CNTNAP2: variants seen among roughly 807,000 people sequenced by gnomAD.
CNTNAP2 encodes the protein contactin-associated protein-like 2.
Under a neutral mutation model 155.2 loss-of-function variants are expected in CNTNAP2, and 98 were observed. That is an observed-to-expected ratio of 0.63 (90% CI 0.54 to 0.75). The LOEUF is 0.75. Ranked by LOEUF, CNTNAP2 falls within the 30% of genes least tolerant of loss-of-function variation. The pLI is 0.00. For missense variants in CNTNAP2, 1,727 were observed against 1,688.1 expected (o/e 1.02, Z -0.40); for synonymous variants, 651 against 631.2 (o/e 1.03, Z -0.47).
intron 13 of CNTNAP2, among the ~76,000 whole-genome samples, chr7:147,705,931 G>T (rs2117009879): frequency 6.6e-6 from 1 of 151,532 alleles, no homozygotes; most frequent in South Asian, 2.1e-4. Flanking sequence ...CTTTCAGTCT[G>T]TGTCTTTATA....
intron 4 of CNTNAP2, among the ~76,000 whole-genome samples, chr7:147,099,036 A>T (rs1800602842): frequency 6.6e-6 from 1 of 152,076 alleles, no homozygotes. Flanking sequence ...CAGGAGGTAG[A>T]GGGGATGAGG....
chr7:147,856,266 A>G (rs1340316816), intron 13 of CNTNAP2, among the ~76,000 whole-genome samples: 2 of 152,188 alleles, frequency 1.3e-5, no homozygotes, highest in Non-Finnish European at 2.9e-5. Flanking sequence ...CCCAGAGCCC[A>G]GGCCAGACTC....
chr7:147,046,925 A>G (rs545195406), intron 4 of CNTNAP2, among the ~76,000 whole-genome samples: 245 of 149,422 alleles, frequency 1.6e-3, no homozygotes, highest in Non-Finnish European at 2.9e-3. Context: ...CCAGCTACTC[A>G]GGAGGCTGAA....
intron 1 of CNTNAP2, among the ~76,000 whole-genome samples, chr7:146,126,207 C>A (rs1797634882): frequency 6.6e-6 from 1 of 152,054 alleles, no homozygotes; most frequent in South Asian, 2.1e-4. Context: ...AGTTCTCTAA[C>A]TAAGAAGTTT....
intron 1 of CNTNAP2, among the ~76,000 whole-genome samples, chr7:146,660,374 G>C (rs1585029399): frequency 6.6e-6 from 1 of 152,182 alleles, no homozygotes; most frequent in African/African-American, 2.4e-5. Flanking sequence ...GGATAGCAAA[G>C]TCAGAAAGAC....
intron 3 of CNTNAP2, among the ~76,000 whole-genome samples, chr7:147,014,785 A>C (rs1411285308): frequency 6.6e-6 from 1 of 152,166 alleles, no homozygotes; most frequent in East Asian, 1.9e-4. Flanking sequence ...AAAATAAAGA[A>C]GAGGCCATCT....
At chr7:146,423,198 G>A (rs1796036989) in intron 1 of CNTNAP2, among the ~76,000 whole-genome samples, 1 of 151,954 alleles carries the variant, frequency 6.6e-6, no homozygotes, top group South Asian at 2.1e-4. Flanking sequence ...TCTCTCTTGG[G>A]AAGGAAGAAT....
At chr7:146,348,784 T>G (rs558631695) in intron 1 of CNTNAP2, among the ~76,000 whole-genome samples, 1 of 149,526 alleles carries the variant, frequency 6.7e-6, no homozygotes, top group Admixed American at 6.7e-5. Context: ...TGTTAAGATG[T>G]TTTTTAAAAA....
intron 13 of CNTNAP2, among the ~76,000 whole-genome samples, chr7:147,895,536 A>G (rs1321929086): frequency 1.3e-5 from 2 of 152,226 alleles, no homozygotes; most frequent in Non-Finnish European, 2.9e-5. Flanking sequence ...TGCAGTGACC[A>G]TAGCTACTTA....
At chr7:147,476,402 C>T (rs927867195) in intron 10 of CNTNAP2, among the ~76,000 whole-genome samples, 2 of 151,726 alleles carry the variant, frequency 1.3e-5, no homozygotes, top group Non-Finnish European at 2.9e-5. Flanking sequence ...ACCGCGCCCA[C>T]CTCTGTTTAT....
At chr7:146,987,125 A>G (rs922394113) in intron 3 of CNTNAP2, among the ~76,000 whole-genome samples, 2 of 152,186 alleles carry the variant, frequency 1.3e-5, no homozygotes, top group Non-Finnish European at 2.9e-5. Context: ...CTTGCTGGTG[A>G]GCAAAACCAG....
chr7:146,693,502 A>G (rs562850212), intron 1 of CNTNAP2, among the ~76,000 whole-genome samples: 1 of 152,234 alleles, frequency 6.6e-6, no homozygotes, highest in East Asian at 1.9e-4. Flanking sequence ...CATTAATAGT[A>G]AAATAAGCTA....
At chr7:147,538,736 C>A (rs560835361) in intron 11 of CNTNAP2, among the ~76,000 whole-genome samples, 182 of 152,234 alleles carry the variant, frequency 1.2e-3, no homozygotes, top group African/African-American at 4.2e-3. Flanking sequence ...AAAACAAATT[C>A]AATAATCCTC....
chr7:147,563,760 G>T (rs564560567), intron 12 of CNTNAP2, among the ~76,000 whole-genome samples: 38 of 152,222 alleles, frequency 2.5e-4, no homozygotes, highest in African/African-American at 8.2e-4. Flanking sequence ...TTTGTCTTTG[G>T]TTTTGTTTTC....
chr7:147,165,088 G>T (rs1326857683), intron 8 of CNTNAP2, among the ~76,000 whole-genome samples: 3 of 152,120 alleles, frequency 2.0e-5, no homozygotes, highest in African/African-American at 4.8e-5. Context: ...TCCTGATATA[G>T]ATCCCTATTT....
At chr7:147,278,313 A>G (rs1232045452) in intron 8 of CNTNAP2, among the ~76,000 whole-genome samples, 2 of 151,714 alleles carry the variant, frequency 1.3e-5, no homozygotes, top group African/African-American at 4.8e-5. Context: ...ATATTAAGCA[A>G]TGTTCACTGA....
chr7:146,661,039 G>A (rs546427033), intron 1 of CNTNAP2, among the ~76,000 whole-genome samples: 1 of 152,268 alleles, frequency 6.6e-6, no homozygotes, highest in African/African-American at 2.4e-5. Context: ...AGATTCAGCA[G>A]CTCTGATCGG....
intron 13 of CNTNAP2, among the ~76,000 whole-genome samples, chr7:147,758,068 T>C (rs1471813467): frequency 2.0e-5 from 3 of 152,184 alleles, no homozygotes; most frequent in Non-Finnish European, 4.4e-5. Context: ...TCTTAGAATA[T>C]GTCAAGTAAA....
At chr7:147,838,293 C>T (rs1396776989) in intron 13 of CNTNAP2, among the ~76,000 whole-genome samples, 4 of 152,198 alleles carry the variant, frequency 2.6e-5, no homozygotes, top group Non-Finnish European at 4.4e-5. Context: ...ACAAAGATCT[C>T]TTACATGTCC....
Sources: allele counts gnomAD v4.1 joint callset (sites outside exome capture counted in the v4.1 genomes callset), GRCh38; gene constraint gnomAD v4.1.1; transcripts MANE v1.5; gene names NCBI Gene and HGNC (gene_info 2026-07-23, HGNC 2026-07-21).